TRPM3: variants seen among roughly 807,000 people sequenced by gnomAD.
TRPM3 encodes the protein long transient receptor potential channel 3.
TRPM3 carries 77 observed loss-of-function variants against 181.2 expected under a neutral mutation model. That is an observed-to-expected ratio of 0.42 (90% CI 0.35 to 0.51). The LOEUF is 0.51. Among genes scored for constraint, TRPM3 ranks in the 20% least tolerant of loss-of-function variants. TRPM3 has a pLI of 0.01. For missense variants in TRPM3, 1,759 were observed against 2,196.7 expected (o/e 0.80, Z 3.98); for synonymous variants, 745 against 796.4 (o/e 0.94, Z 1.09).
chr9:71,051,974 C>A (rs1301646046), intron 1 of TRPM3, among the ~76,000 whole-genome samples: 7 of 152,064 alleles, frequency 4.6e-5, no homozygotes, highest in African/African-American at 7.2e-5. Context: ...GAAAATTTGG[C>A]ACAGAATTTG....
intron 1 of TRPM3, among the ~76,000 whole-genome samples, chr9:71,008,370 T>TA (rs34758172): frequency 2.4e-3 from 360 of 149,684 alleles, no homozygotes; most frequent in African/African-American, 4.0e-3. Flanking sequence ...CTCAAACTGT[T>TA]AAAAAAAAAA....
intron 1 of TRPM3, among the ~76,000 whole-genome samples, chr9:71,428,701 T>C (rs1048022369): frequency 3.9e-5 from 6 of 152,144 alleles, no homozygotes; most frequent in Non-Finnish European, 7.3e-5. Context: ...GTGATACTAA[T>C]CTAAAAGACT....
intron 1 of TRPM3, among the ~76,000 whole-genome samples, chr9:71,427,746 G>A (rs2093889348): frequency 6.6e-6 from 1 of 152,070 alleles, no homozygotes; most frequent in African/African-American, 2.4e-5. Flanking sequence ...GTAGATGCTG[G>A]GGACTAGTAG....
intron 1 of TRPM3, among the ~76,000 whole-genome samples, chr9:71,107,067 C>T (rs1212170720): frequency 6.6e-6 from 1 of 152,108 alleles, no homozygotes; most frequent in African/African-American, 2.4e-5. Context: ...CATTGCACTT[C>T]AACTTGAGCA....
At chr9:71,156,420 C>CA (rs56828710) in intron 1 of TRPM3, among the ~76,000 whole-genome samples, 2,119 of 140,456 alleles carry the variant, frequency 0.015, 41 homozygotes, top group African/African-American at 0.052. Context: ...CACACACACA[C>CA]AAGGCTTATC....
At chr9:71,017,714 C>T (rs531961700) in intron 1 of TRPM3, among the ~76,000 whole-genome samples, 1 of 151,562 alleles carries the variant, frequency 6.6e-6, no homozygotes, top group South Asian at 2.1e-4. Flanking sequence ...TTGATAGACC[C>T]AATAAAAGAT....
At chr9:71,114,652 G>A (rs1255566385) in intron 1 of TRPM3, among the ~76,000 whole-genome samples, 4 of 152,146 alleles carry the variant, frequency 2.6e-5, no homozygotes. Context: ...ATGGGCATCA[G>A]TTATGGCTGC....
intron 1 of TRPM3, among the ~76,000 whole-genome samples, chr9:71,031,473 C>A (rs772574642): frequency 1.3e-5 from 2 of 152,098 alleles, no homozygotes; most frequent in Non-Finnish European, 2.9e-5. Context: ...GGAGGCATTA[C>A]AGATGAGATA....
At chr9:70,611,272 G>A (rs971125729) in intron 18 of TRPM3, among the ~76,000 whole-genome samples, 2 of 152,180 alleles carry the variant, frequency 1.3e-5, no homozygotes, top group Non-Finnish European at 2.9e-5. Flanking sequence ...TTAGTGATAT[G>A]GTTTGGCTCT....
chr9:70,536,385 G>C lies in TRPM3; in HGVS notation c.4728C>G (p.Asp1576Glu), dbSNP rs1321358866. The change falls in exon 26 of 26, where the codon GAC becomes GAG. Residue 1576 changes from aspartate to glutamate, a missense_variant. By Grantham distance (45) the Asp-to-Glu change is conservative. Around this residue, in one of 8 missense-constraint regions of TRPM3, gnomAD observed 612 missense variants for 590.0 expected, o/e 1.04. Transcript: ENST00000677713. ...CAAGACCTCCAGGGAAGGCAGCTCT[G>C]TCCGCAATTGCTTGAGGGGCATTGA... Reference protein sequence around the residue: ...RCVNAPQAIADRAAFPGGLGD... With the variant: ...RCVNAPQAIAERAAFPGGLGD... 1 of 1,614,068 alleles carries C rather than the reference G, an allele frequency of 6.2e-7. No individual in the cohort carries two copies. Among genetic ancestry groups the C allele is most frequent in the Non-Finnish European group, 8.5e-7 (1 of 1,180,014 alleles).
intron 1 of TRPM3, among the ~76,000 whole-genome samples, chr9:71,272,055 T>C (rs576745817): frequency 6.6e-6 from 1 of 152,262 alleles, no homozygotes; most frequent in African/African-American, 2.4e-5. Flanking sequence ...AATTCACAAG[T>C]AGCAAAGTAT....
At chr9:70,822,229 G>C (rs886539874) in intron 6 of TRPM3, among the ~76,000 whole-genome samples, 12 of 152,042 alleles carry the variant, frequency 7.9e-5, no homozygotes, top group African/African-American at 2.9e-4. Context: ...GAATCTCACC[G>C]CTTCTCAAAA....
intron 1 of TRPM3, among the ~76,000 whole-genome samples, chr9:71,257,339 T>A (rs2082735704): frequency 6.6e-6 from 1 of 151,754 alleles, no homozygotes; most frequent in East Asian, 1.9e-4. Context: ...GAAGAGAGAG[T>A]AGAAGACGGA....
At chr9:71,174,317 G>T (rs1268296530) in intron 1 of TRPM3, among the ~76,000 whole-genome samples, 1 of 152,130 alleles carries the variant, frequency 6.6e-6, no homozygotes, top group African/African-American at 2.4e-5. Flanking sequence ...CAACGCCAGT[G>T]GATCACCTGA....
At chr9:71,422,352 G>A (rs1033431610) in intron 1 of TRPM3, among the ~76,000 whole-genome samples, 1 of 151,966 alleles carries the variant, frequency 6.6e-6, no homozygotes, top group Admixed American at 6.6e-5. Flanking sequence ...GATACAGCAA[G>A]CAATGCCACT....
chr9:71,048,569 A>G (rs1225217698), intron 1 of TRPM3, among the ~76,000 whole-genome samples: 1 of 152,194 alleles, frequency 6.6e-6, no homozygotes, highest in East Asian at 1.9e-4. Context: ...AGAACTCTTG[A>G]CTGGTTCTGT....
chr9:71,044,934 G>A (rs669745), intron 1 of TRPM3, among the ~76,000 whole-genome samples: 35,415 of 151,968 alleles, frequency 0.23, 4,908 homozygotes, highest in East Asian at 0.41. Context: ...GCCTCCCAAA[G>A]TGCTGGGATT....
At chr9:71,047,846 ACACACACACACACT>A (rs1329726301) in intron 1 of TRPM3, among the ~76,000 whole-genome samples, 1 of 141,152 alleles carries the variant, frequency 7.1e-6, no homozygotes, top group African/African-American at 2.7e-5. Flanking sequence ...ACACACACAC[ACACACACACACACT>A]CACACAACAA....
chr9:71,271,860 CA>C (rs2083821368), intron 1 of TRPM3, among the ~76,000 whole-genome samples: 1 of 152,064 alleles, frequency 6.6e-6, no homozygotes, highest in Non-Finnish European at 1.5e-5. Flanking sequence ...AAGAAAGGGG[CA>C]AACTGTAGAG....
Sources: gnomAD v4.1 joint callset for allele counts (sites outside exome capture counted in the v4.1 genomes callset) on GRCh38, gnomAD v4.1.1 for gene constraint, gnomAD v4.1.1 regional missense constraint, MANE v1.5 for transcripts, NCBI Gene and HGNC (gene_info 2026-07-23, HGNC 2026-07-21) for gene names.